The following GOLGA4 variants were observed in gnomAD, a reference collection of about 807,000 sequenced individuals.
GOLGA4 encodes golgin subfamily A member 4.
A neutral mutation model predicts 265.9 loss-of-function variants in GOLGA4; 169 were observed. That is an observed-to-expected ratio of 0.64 (90% CI 0.56 to 0.72). The LOEUF is 0.72. Ranked by LOEUF, GOLGA4 falls within the 30% of genes least tolerant of loss-of-function variation. GOLGA4 has a pLI of 0.00. For synonymous variants in GOLGA4, 923 were observed against 855.8 expected, an observed-to-expected ratio of 1.08 and a Z score of -1.37; for missense variants, 2,482 against 2,483.4, an observed-to-expected ratio of 1.00 and a Z score of 0.01.
chr3:37,289,190 TAC>T, intron 4 of GOLGA4, 43 bp from the exon 5 acceptor site: 1 of 1,003,266 alleles, frequency 1.0e-6, no homozygotes, highest in South Asian at 1.4e-5. Context: ...TACTATGTCA[TAC>T]AGTTAGCTGT....
At chr3:37,257,293 A>G (rs962692994) in intron 2 of GOLGA4, among the ~76,000 whole-genome samples, 1 of 152,096 alleles carries the variant, frequency 6.6e-6, no homozygotes, top group African/African-American at 2.4e-5. Flanking sequence ...TAAGGGAGTA[A>G]AAATCTATGT....
intron 9 of GOLGA4, 56 bp downstream of exon 9, chr3:37,299,427 TTTGGAAACAG>T (rs1578573969): frequency 9.7e-6 from 10 of 1,034,344 alleles, no homozygotes; most frequent in Non-Finnish European, 1.5e-5. Flanking sequence ...AACATTTACT[TTTGGAAACAG>T]TTGGAAACAT....
intron 22 of GOLGA4, among the ~76,000 whole-genome samples, chr3:37,358,690 A>T (rs927825054): frequency 6.6e-6 from 1 of 152,170 alleles, no homozygotes; most frequent in Non-Finnish European, 1.5e-5. Context: ...CAATGTGTAG[A>T]ACTAGTCTTT....
intron 12 of GOLGA4, 102 bp from the exon 13 acceptor site, chr3:37,321,629 G>A: frequency 9.7e-7 from 1 of 1,029,234 alleles, no homozygotes; most frequent in African/African-American, 1.6e-5. Context: ...ATCCAACAGG[G>A]CTGGGTGCAG....
Position 37,335,091 on chromosome 3 carries a change from G to A in GOLGA4, c.6231G>A (p.Leu2077=). 2 of 1,608,244 alleles carry A rather than the reference G, an allele frequency of 1.2e-6. No individual in the cohort carries two copies. The highest frequency in any genetic ancestry group is 1.1e-5 in the South Asian group (1 of 90,414). The stretch of plus-strand genomic sequence containing the variant: ...AAATGACTGCAAAAGTAAGGGACCT[G>A]CAGACTCAACTTGAGGAGCTGCAGA... ...EEEMTAKVRD[L]QTQLEELQKK... The change falls in exon 17 of 24, where the codon CTG becomes CTA. Residue 2077 remains leucine (L), a synonymous_variant. Coordinates refer to ENST00000361924, the MANE Select transcript of GOLGA4 (RefSeq NM_002078.5).
chr3:37,337,172 A>G lies in GOLGA4; in HGVS notation c.6327+9A>G. 7.3e-7 allele frequency: 1 copy of G among 1,370,078 alleles called. No individual in the cohort carries two copies. The highest frequency in any genetic ancestry group is 1.0e-6 in the Non-Finnish European group (1 of 987,428). 84.9% of individuals were successfully genotyped at this position (1,370,078 alleles called of 1,614,324 possible). On this transcript the variant is annotated intron_variant, in intron 18 of 23. Transcript: ENST00000361924. ...CAATTATGGAGCTACAGGTAAGGCT[A>G]GTTCTTCTTTTTTTTTTTTTCTTTT...
rs1436606013 is a variant in GOLGA4, at chr3:37,296,132, G to C, written c.727G>C (p.Asp243His). The change falls in exon 7 of 24, where the codon GAT becomes CAT. Residue 243 changes from aspartate to histidine, a missense_variant. Physicochemically the swap from Asp to His is moderately conservative, Grantham distance 81. Around this residue, in one of 3 missense-constraint regions of GOLGA4, gnomAD observed 1,536 missense variants for 1,483.7 expected, o/e 1.04. Transcript: ENST00000361924. Reference protein sequence around the residue: ...QRLRNGPMNVDVLKPLPQLEP... With the variant: ...QRLRNGPMNVHVLKPLPQLEP... ...ATTACGAAATGGCCCGATGAATGTT[G>C]ATGTACTGAAACCACTTCCTCAGCT... 3 of 1,613,396 alleles carry C rather than the reference G, an allele frequency of 1.9e-6. No individual in the cohort carries two copies. Among genetic ancestry groups the C allele is most frequent in the Non-Finnish European group, 2.5e-6 (3 of 1,179,476 alleles).
At chr3:37,246,614 G>A (rs1192179930) in intron 1 of GOLGA4, among the ~76,000 whole-genome samples, 1 of 152,182 alleles carries the variant, frequency 6.6e-6, no homozygotes, top group African/African-American at 2.4e-5. Flanking sequence ...GCTGGAGAGA[G>A]GAGAGAATGG....
At chr3:37,293,122 G>T (rs536452527) in intron 5 of GOLGA4, among the ~76,000 whole-genome samples, 2 of 152,298 alleles carry the variant, frequency 1.3e-5, no homozygotes, top group African/African-American at 4.8e-5. Flanking sequence ...ATGTGTGAGG[G>T]ATGGATAAAA....
At chr3:37,291,623 TA>T (rs1474415937) in intron 5 of GOLGA4, among the ~76,000 whole-genome samples, 1 of 152,186 alleles carries the variant, frequency 6.6e-6, no homozygotes, top group East Asian at 1.9e-4. Context: ...TTGTCTGTGG[TA>T]AAATGCATTT....
intron 2 of GOLGA4, among the ~76,000 whole-genome samples, chr3:37,254,839 T>C (rs1240560885): frequency 6.7e-6 from 1 of 148,214 alleles, no homozygotes; most frequent in Non-Finnish European, 1.5e-5. Flanking sequence ...ATATATTATA[T>C]ATATTAGCTT....
At chr3:37,271,072 T>C (rs538684551) in intron 2 of GOLGA4, among the ~76,000 whole-genome samples, 2 of 152,222 alleles carry the variant, frequency 1.3e-5, no homozygotes, top group South Asian at 2.1e-4. Flanking sequence ...GAATATCTAA[T>C]GTCACCACTG....
intron 4 of GOLGA4, among the ~76,000 whole-genome samples, chr3:37,288,052 G>A (rs2096854474): frequency 6.6e-6 from 1 of 151,372 alleles, no homozygotes; most frequent in Non-Finnish European, 1.5e-5. Context: ...CCCACCCCAG[G>A]AAAGGGTGAG....
chr3:37,297,315 G>A (rs2096881104), intron 7 of GOLGA4, among the ~76,000 whole-genome samples: 1 of 152,232 alleles, frequency 6.6e-6, no homozygotes, highest in Admixed American at 6.5e-5. Context: ...TGGTGGGGTG[G>A]TGGGGCGGCG....
chr3:37,284,664 C>CT (rs75537927), intron 3 of GOLGA4, among the ~76,000 whole-genome samples: 8,544 of 133,518 alleles, frequency 0.064, 885 homozygotes, highest in African/African-American at 0.21. Flanking sequence ...TCCATTGCTG[C>CT]TTTTTTTTTT....
At chr3:37,336,832 T>C (rs1283869976) in intron 17 of GOLGA4, among the ~76,000 whole-genome samples, 1 of 152,000 alleles carries the variant, frequency 6.6e-6, no homozygotes, top group East Asian at 1.9e-4. Context: ...GAAAGAAAAC[T>C]TAATTTTTAT....
chr3:37,290,127 G>C (rs966422001), intron 5 of GOLGA4, among the ~76,000 whole-genome samples: 1 of 152,162 alleles, frequency 6.6e-6, no homozygotes, highest in African/African-American at 2.4e-5. Flanking sequence ...GATTTAAAAA[G>C]TATAGATAGC....
At chr3:37,344,935 C>A (rs769227261) in intron 20 of GOLGA4, among the ~76,000 whole-genome samples, 1 of 152,162 alleles carries the variant, frequency 6.6e-6, no homozygotes, top group Non-Finnish European at 1.5e-5. Context: ...TGTTTCTTGG[C>A]TGGGCACAGT....
At chr3:37,266,743 A>G in intron 2 of GOLGA4, 1 of 426,978 alleles carries the variant, frequency 2.3e-6, no homozygotes, top group Non-Finnish European at 4.5e-6. Context: ...AGTGTTATGC[A>G]TGCTGCGTGG....
Sources: allele counts gnomAD v4.1 joint callset (sites outside exome capture counted in the v4.1 genomes callset), GRCh38; gene constraint gnomAD v4.1.1; regional missense constraint gnomAD v4.1.1; transcripts MANE v1.5; gene names NCBI Gene and HGNC (gene_info 2026-07-23, HGNC 2026-07-21).